GDAP2: variants seen among roughly 807,000 people sequenced by gnomAD.
GDAP2 encodes the protein ganglioside-induced differentiation-associated protein 2.
In GDAP2, 51 loss-of-function variants were observed where a neutral mutation model predicts 67.0. The ratio of observed to expected loss-of-function variants is 0.76; its 90% CI spans 0.61 to 0.96. The LOEUF (loss-of-function observed/expected upper bound fraction) is 0.96, where lower values mean the gene tolerates loss of function less well. Ranked by LOEUF, GDAP2 falls within the 40% of genes least tolerant of loss-of-function variation. GDAP2 has a pLI of 0.00. For synonymous variants in GDAP2, 203 were observed against 207.3 expected, an observed-to-expected ratio of 0.98 and a Z score of 0.18; for missense variants, 547 against 588.3, an observed-to-expected ratio of 0.93 and a Z score of 0.73.
intron 8 of GDAP2, among the ~76,000 whole-genome samples, chr1:117,889,191 T>C (rs1026140369): frequency 6.6e-6 from 1 of 152,178 alleles, no homozygotes; most frequent in Non-Finnish European, 1.5e-5. Flanking sequence ...ATCAAAATTC[T>C]ATTTCTTTAC....
chr1:117,883,378 C>A, intron 11 of GDAP2, 110 bp downstream of exon 11: 1 of 773,210 alleles, frequency 1.3e-6, no homozygotes, highest in Middle Eastern at 3.0e-4. Flanking sequence ...TGATAAAAGT[C>A]TTTGTTACAT....
At chr1:117,905,679 T>C (rs2101147138) in intron 6 of GDAP2, among the ~76,000 whole-genome samples, 1 of 152,268 alleles carries the variant, frequency 6.6e-6, no homozygotes, top group Non-Finnish European at 1.5e-5. Flanking sequence ...GGACCTAATA[T>C]AGCAAACCTG....
At chr1:117,912,133 T>C (rs755638371) in intron 4 of GDAP2, 51 bp from the exon 5 acceptor site, 10 of 989,444 alleles carry the variant, frequency 1.0e-5, no homozygotes, top group Non-Finnish European at 1.5e-5. Context: ...CAGTAATACA[T>C]ACACAACAAT....
In GDAP2 at chr1:117,886,641, C is replaced by T; in HGVS notation, c.1043G>A (p.Cys348Tyr). 2 of 1,562,376 alleles carry T rather than the reference C, an allele frequency of 1.3e-6. No homozygotes were observed. Among genetic ancestry groups the T allele is most frequent in the Non-Finnish European group, 1.8e-6 (2 of 1,133,030 alleles). ...AACTACCACCATCACTGTTCGACCA[C>T]AGTTATCAACACCTATAAACAGGAA... ...KALYQTGVDN[C>Y]GRTVMVVVGR... Residue 348 changes from cysteine (C) to tyrosine (Y), a missense_variant, in exon 10 of 14, where the codon TGT (cysteine) becomes TAT (tyrosine). Transcript: ENST00000369443.
chr1:117,925,024 C>T (rs971303934), intron 1 of GDAP2, among the ~76,000 whole-genome samples: 5 of 152,160 alleles, frequency 3.3e-5, no homozygotes, highest in Non-Finnish European at 5.9e-5. Context: ...TAGCTATAAT[C>T]TAAAAACAAA....
chr1:117,909,810 A>G (rs1649788897), intron 5 of GDAP2, among the ~76,000 whole-genome samples: 2 of 152,170 alleles, frequency 1.3e-5, no homozygotes, highest in African/African-American at 2.4e-5. Context: ...TACTGTATCA[A>G]GTGATTTGTC....
At position 117,870,516 on chromosome 1, in the gene GDAP2, A is replaced by G; in HGVS notation, c.*53T>C. 9.4e-7 allele frequency: 1 copy of G among 1,069,012 alleles called. No individual in the cohort carries two copies. 66.2% of individuals were successfully genotyped at this position (1,069,012 alleles called of 1,614,324 possible). Reference sequence around the variant, plus strand: ...ATGAATATCACTTCAACAGGTAGCTATTCGTGGAGGAAGTGGCATCCTGGG... The same window carrying G: ...ATGAATATCACTTCAACAGGTAGCTGTTCGTGGAGGAAGTGGCATCCTGGG... On this transcript the variant is annotated 3_prime_UTR_variant, in exon 14 of 14. Coordinates refer to ENST00000369443, the MANE Select transcript of GDAP2 (RefSeq NM_017686.4).
At chr1:117,892,850 A>G (rs1454321617) in intron 8 of GDAP2, among the ~76,000 whole-genome samples, 1 of 152,166 alleles carries the variant, frequency 6.6e-6, no homozygotes, top group Non-Finnish European at 1.5e-5. Flanking sequence ...TCGCCCAGGG[A>G]AAATTCTGTC....
intron 12 of GDAP2, among the ~76,000 whole-genome samples, chr1:117,880,460 A>G (rs1648614576): frequency 6.6e-6 from 1 of 152,196 alleles, no homozygotes; most frequent in Admixed American, 6.5e-5. Context: ...GTAATTTAAA[A>G]GGTACATGAG....
chr1:117,926,791 T>A (rs929819317), intron 1 of GDAP2, among the ~76,000 whole-genome samples: 1 of 152,102 alleles, frequency 6.6e-6, no homozygotes, highest in Non-Finnish European at 1.5e-5. Flanking sequence ...ACAAGTAGAT[T>A]TGTAAATAAA....
At chr1:117,916,111 A>G (rs1650037202) in intron 3 of GDAP2, among the ~76,000 whole-genome samples, 2 of 152,206 alleles carry the variant, frequency 1.3e-5, no homozygotes, top group African/African-American at 4.8e-5. Flanking sequence ...AGTTATCACA[A>G]GACAATTTAC....
intron 8 of GDAP2, among the ~76,000 whole-genome samples, chr1:117,896,240 T>G (rs1274376602): frequency 1.3e-5 from 2 of 152,202 alleles, no homozygotes; most frequent in Non-Finnish European, 2.9e-5. Context: ...TTTGTTTACT[T>G]TAATTTTCTT....
At chr1:117,887,833 G>A (rs1648919579) in intron 8 of GDAP2, 59 bp from the exon 9 acceptor site, 7 of 1,013,126 alleles carry the variant, frequency 6.9e-6, no homozygotes, top group Non-Finnish European at 1.1e-5. Context: ...ATTTACAAAT[G>A]GGACCAATTT....
At position 117,881,099 on chromosome 1, in the gene GDAP2, T is replaced by C. The variant is rs953220827; in HGVS notation, c.1302+724A>G. Among the ~76,000 whole-genome samples, 10 of 152,156 alleles carry C rather than the reference T, an allele frequency of 6.6e-5. No homozygotes were observed. In the East Asian group the frequency reaches 1.4e-3, roughly 21 times the overall value. ...GCAGTACAATGGATTATTTCAAGTT[T>C]AGGTTTTGATGGGCAGGTGTGATGA... On this transcript the variant is annotated intron_variant, in intron 12 of 13. Transcript: ENST00000369443.
intron 6 of GDAP2, among the ~76,000 whole-genome samples, chr1:117,904,955 T>TCAA (rs1464806395): frequency 6.6e-6 from 1 of 152,200 alleles, no homozygotes; most frequent in East Asian, 1.9e-4. Context: ...ATTTGCTATC[T>TCAA]CAATGGTGGC....
At chr1:117,907,029 A>G (rs1570985739) in intron 5 of GDAP2, among the ~76,000 whole-genome samples, 1 of 152,306 alleles carries the variant, frequency 6.6e-6, no homozygotes, top group Non-Finnish European at 1.5e-5. Flanking sequence ...CTTTCCATTC[A>G]TTCAGTTACA....
rs1648065576 is a variant in GDAP2 at position 117,866,521 on chromosome 1, G to C, written c.*4048C>G. 1 of 152,060 alleles carries C rather than the reference G, an allele frequency of 6.6e-6. No homozygotes were observed. Among genetic ancestry groups the C allele is most frequent in the African/African-American group, 2.4e-5 (1 of 41,394 alleles). 9.4% of individuals were successfully genotyped at this position (152,060 alleles called of 1,614,324 possible). A position where few individuals can be genotyped will look rare whatever the true frequency, so the allele number is the denominator to read the frequency against. On this transcript the variant is annotated 3_prime_UTR_variant, in exon 14 of 14. Transcript: ENST00000369443. ...GTGCCAGCACAGTTAAAACACTCTA[G>C]CGCACGTTAATTATGATGATTACAA...
At position 117,883,502 on chromosome 1, in the gene GDAP2, A is replaced by G. The variant is rs1316567773; in HGVS notation, c.1233T>C (p.Asp411=). The change falls in exon 11 of 14, where the codon GAT becomes GAC. Residue 411 remains aspartate (D), a synonymous_variant. Coordinates refer to ENST00000369443, the MANE Select transcript of GDAP2 (RefSeq NM_017686.4). ...AAATAACTAACTTGACATCAACAAC[A>G]TCGTAGAGTTTCTTCAGGAAGTCGG... ...LDSDFLKKLY[D]VVDVKYKRNL... is the part of the protein sequence containing the mutation. 5.6e-6 allele frequency: 9 copies of G among 1,612,394 alleles called. No homozygotes were observed. The highest frequency in any genetic ancestry group is 7.6e-6 in the Non-Finnish European group (9 of 1,178,876).
chr1:117,909,076 G>A (rs1040747218), intron 5 of GDAP2, among the ~76,000 whole-genome samples: 4 of 151,982 alleles, frequency 2.6e-5, no homozygotes, highest in Non-Finnish European at 5.9e-5. Flanking sequence ...CTAAAGGCCA[G>A]GCCACGCTCT....
Sources: allele counts gnomAD v4.1 joint callset (sites outside exome capture counted in the v4.1 genomes callset), GRCh38; gene constraint gnomAD v4.1.1; transcripts MANE v1.5; gene names NCBI Gene and HGNC (gene_info 2026-07-23, HGNC 2026-07-21).